The following ATP10B variants were observed in gnomAD, a reference collection of about 807,000 sequenced individuals.
ATP10B encodes ATPase phospholipid transporting 10B (putative), also known as phospholipid-transporting ATPase VB.
Under a neutral mutation model 141.2 loss-of-function variants are expected in ATP10B, and 122 were observed. The ratio of observed to expected loss-of-function variants is 0.86; its 90% CI spans 0.75 to 1.00. The LOEUF is 1.00. Ranked by LOEUF, ATP10B falls within the 50% of genes least tolerant of loss-of-function variation. ATP10B has a pLI of 0.00. For missense variants in ATP10B, 1,876 were observed against 1,825.3 expected, an observed-to-expected ratio of 1.03 and a Z score of -0.51; for synonymous variants, 685 against 692.0, an observed-to-expected ratio of 0.99 and a Z score of 0.16.
chr5:160,894,284 G>T, the ATP10B span, among the ~76,000 whole-genome samples: 1 of 151,988 alleles, frequency 6.6e-6, no homozygotes, highest in Non-Finnish European at 1.5e-5. Context: ...CTAGCCCAAT[G>T]CAAGGAAGCT....
chr5:160,565,462 C>A lies in ATP10B; in HGVS notation c.4377G>T (p.Leu1459=), dbSNP rs763417220. 2 of 1,613,810 alleles carry A rather than the reference C, an allele frequency of 1.2e-6. No individual in the cohort carries two copies. Among genetic ancestry groups the A allele is most frequent in the African/African-American group, 2.7e-5 (2 of 74,938 alleles). ...AGATTTCTGCAGCTCCTCATATGGT[C>A]AGTGAACTCTGGGATCGGCGATGGC... is the stretch of plus-strand genomic sequence containing the variant. The part of the protein sequence containing the change: ...RSSHRRSQSS[L]TI The change falls in exon 26 of 26, where the codon CTG becomes CTT. Residue 1459 remains leucine, a synonymous_variant. Coordinates refer to ENST00000327245, the MANE Select transcript of ATP10B (RefSeq NM_025153.3).
At chr5:160,687,736 G>T in intron 5 of ATP10B, 64 bp downstream of exon 5, 1 of 1,543,152 alleles carries the variant, frequency 6.5e-7, no homozygotes, top group Non-Finnish European at 8.8e-7. Context: ...CTATACTCCA[G>T]CCTGGGGAAC....
chr5:160,620,386 C>T lies in ATP10B; in HGVS notation c.2377G>A (p.Asp793Asn), dbSNP rs756295057. The change falls in exon 15 of 26, where the codon GAC (aspartate) becomes AAC (asparagine). Residue 793 changes from aspartate to asparagine, a missense_variant. Coordinates refer to ENST00000327245, the MANE Select transcript of ATP10B (RefSeq NM_025153.3). ...GEIVVYTKGA[D>N]SVIMDLLEDP... The stretch of plus-strand genomic sequence containing the variant: ...TCCAGCAGGTCCATGATGACCGAGT[C>T]AGCACCCTTGGTGTAGACAACAATC... 1 of 1,613,716 alleles carries T rather than the reference C, an allele frequency of 6.2e-7. No homozygotes were observed. Among genetic ancestry groups the T allele is most frequent in the African/African-American group, 1.3e-5 (1 of 75,074 alleles).
At chr5:160,751,750 G>T (rs910650498) in intron 2 of ATP10B, among the ~76,000 whole-genome samples, 1 of 152,026 alleles carries the variant, frequency 6.6e-6, no homozygotes, top group African/African-American at 2.4e-5. Context: ...TGACACAAAG[G>T]GTCTGGAGAA....
chr5:160,879,680 T>A, the ATP10B span, among the ~76,000 whole-genome samples: 1 of 151,560 alleles, frequency 6.6e-6, no homozygotes, highest in African/African-American at 2.4e-5. Flanking sequence ...TTACCAAAAA[T>A]ACAAAAAATT....
intron 10 of ATP10B, among the ~76,000 whole-genome samples, chr5:160,637,927 A>G (rs1392891608): frequency 6.6e-6 from 1 of 152,232 alleles, no homozygotes; most frequent in Non-Finnish European, 1.5e-5. Flanking sequence ...CACATGGCAC[A>G]GAGTAAGGGC....
intron 1 of ATP10B, among the ~76,000 whole-genome samples, chr5:160,786,775 A>G (rs979301158): frequency 1.3e-5 from 2 of 152,100 alleles, no homozygotes; most frequent in African/African-American, 4.8e-5. Flanking sequence ...CACATACTCT[A>G]TAAAAGGCCA....
At chr5:160,755,092 T>A (rs1768428618) in intron 2 of ATP10B, among the ~76,000 whole-genome samples, 1 of 152,170 alleles carries the variant, frequency 6.6e-6, no homozygotes, top group Non-Finnish European at 1.5e-5. Context: ...TTTAATTGAC[T>A]CACAGTTCTG....
chr5:160,874,079 G>A, the ATP10B span, among the ~76,000 whole-genome samples: 82 of 152,188 alleles, frequency 5.4e-4, no homozygotes, highest in Admixed American at 2.2e-3. Context: ...ACCACTGGGG[G>A]CAGGGCACAG....
chr5:160,907,374 T>C, the ATP10B span, among the ~76,000 whole-genome samples: 1 of 149,220 alleles, frequency 6.7e-6, no homozygotes, highest in South Asian at 2.2e-4. Context: ...TTACCTGCAT[T>C]ATCCTATGCA....
intron 7 of ATP10B, among the ~76,000 whole-genome samples, chr5:160,654,704 G>GTCATCATCA (rs151297339): frequency 7.2e-5 from 11 of 151,934 alleles, no homozygotes; most frequent in Non-Finnish European, 5.9e-5. Context: ...TGTCGTCATC[G>GTCATCATCA]TCATCATCAT....
At chr5:160,772,877 G>A (rs140948250) in intron 2 of ATP10B, among the ~76,000 whole-genome samples, 1 of 152,320 alleles carries the variant, frequency 6.6e-6, no homozygotes, top group African/African-American at 2.4e-5. Context: ...AACCCACAGT[G>A]TAAGTCTTTA....
At chr5:160,621,768 T>C (rs958354484) in intron 14 of ATP10B, among the ~76,000 whole-genome samples, 1 of 152,240 alleles carries the variant, frequency 6.6e-6, no homozygotes, top group African/African-American at 2.4e-5. Flanking sequence ...CTGTGGAAGA[T>C]TGAAGGCAAA....
At chr5:160,599,044 T>C in intron 21 of ATP10B, 74 bp from the exon 22 acceptor site, 1 of 1,406,792 alleles carries the variant, frequency 7.1e-7, no homozygotes, top group Non-Finnish European at 1.0e-6. Context: ...TTGGGACCTC[T>C]GGGAGCTGCT....
At chr5:160,828,364 G>C (rs1181463615) in intron 1 of ATP10B, among the ~76,000 whole-genome samples, 3 of 151,956 alleles carry the variant, frequency 2.0e-5, no homozygotes, top group Non-Finnish European at 4.4e-5. Context: ...AAATTTACAA[G>C]ATAAAAACAA....
At chr5:160,883,705 G>A in the ATP10B span, among the ~76,000 whole-genome samples, 41 of 152,274 alleles carry the variant, frequency 2.7e-4, no homozygotes, top group African/African-American at 9.9e-4. Context: ...ATTATTGCTA[G>A]AGCAGAAGTG....
chr5:160,864,939 G>A, the ATP10B span, among the ~76,000 whole-genome samples: 1 of 151,974 alleles, frequency 6.6e-6, no homozygotes, highest in African/African-American at 2.4e-5. Context: ...GACACAAATG[G>A]AAACACATCC....
chr5:160,869,391 ATAT>A, the ATP10B span, among the ~76,000 whole-genome samples: 92 of 152,230 alleles, frequency 6.0e-4, no homozygotes, highest in Non-Finnish European at 4.4e-5. Context: ...CTAAACATAA[ATAT>A]TATTTAAAAA....
At chr5:160,779,470 A>G (rs1290873095) in intron 2 of ATP10B, among the ~76,000 whole-genome samples, 1 of 152,170 alleles carries the variant, frequency 6.6e-6, no homozygotes, top group Non-Finnish European at 1.5e-5. Context: ...GGAGAGGGCA[A>G]GCTGGCAAGA....
Sources: allele counts gnomAD v4.1 joint callset (sites outside exome capture counted in the v4.1 genomes callset), GRCh38; gene constraint gnomAD v4.1.1; transcripts MANE v1.5; gene names NCBI Gene and HGNC (gene_info 2026-07-23, HGNC 2026-07-21).